Variants in MAPK8IP1 observed in about 807,000 individuals in gnomAD.
MAPK8IP1 encodes the protein mitogen-activated protein kinase 8 interacting protein 1, also known as C-Jun-amino-terminal kinase-interacting protein 1.
Under a neutral mutation model 72.6 loss-of-function variants are expected in MAPK8IP1, and 17 were observed. The ratio of observed to expected loss-of-function variants is 0.23; its 90% CI spans 0.16 to 0.35. The LOEUF is 0.35. Ranked by LOEUF, MAPK8IP1 falls within the 10% of genes least tolerant of loss-of-function variation. The probability of loss-of-function intolerance (pLI) is 1.00; values close to 1 mark genes in which losing one functional copy is unlikely to be tolerated. For missense variants in MAPK8IP1, 789 were observed against 1,009.7 expected, an observed-to-expected ratio of 0.78 and a Z score of 2.96; for synonymous variants, 401 against 443.4, an observed-to-expected ratio of 0.90 and a Z score of 1.20.
chr11:45,895,047 G>A (rs1590783842), intron 1 of MAPK8IP1, among the ~76,000 whole-genome samples: 1 of 152,192 alleles, frequency 6.6e-6, no homozygotes, highest in Non-Finnish European at 1.5e-5. Flanking sequence ...TTTGGCACTG[G>A]GGAGACACAG....
intron 1 of MAPK8IP1, among the ~76,000 whole-genome samples, chr11:45,895,635 T>A (rs7130763): frequency 0.085 from 2,245 of 26,366 alleles, 252 homozygotes; most frequent in African/African-American, 0.12. Flanking sequence ...AAAAAAAAAA[T>A]ATATATATAT....
intron 1 of MAPK8IP1, among the ~76,000 whole-genome samples, chr11:45,893,948 G>T (rs1222817049): frequency 1.3e-5 from 2 of 152,182 alleles, no homozygotes; most frequent in African/African-American, 4.8e-5. Flanking sequence ...TGGAAAAGAG[G>T]AAAGGGCAGA....
intron 1 of MAPK8IP1, among the ~76,000 whole-genome samples, chr11:45,895,619 CAAAA>C (rs1256044597): frequency 1.2e-3 from 38 of 31,232 alleles, no homozygotes; most frequent in African/African-American, 1.8e-3. Context: ...AAGGCCGTCT[CAAAA>C]AAAAAAAAAA....
intron 1 of MAPK8IP1, among the ~76,000 whole-genome samples, chr11:45,886,949 C>G (rs1211639412): frequency 6.6e-6 from 1 of 152,144 alleles, no homozygotes. Flanking sequence ...TGGGCAGAGA[C>G]CCCTGGGGAT....
At chr11:45,905,385 G>A (rs538658739) in intron 11 of MAPK8IP1, 136 bp downstream of exon 11, 10 of 902,930 alleles carry the variant, frequency 1.1e-5, no homozygotes, top group East Asian at 2.6e-5. Flanking sequence ...ACCCCAGTGC[G>A]GGTGGCCTGG....
chr11:45,901,960 G>A lies in MAPK8IP1; in HGVS notation c.523-20G>A. Reference sequence around the variant, plus strand: ...ACTGTTGACCACTTCCATCACAAGAGCCTTTTGTTCCCTGCACAGGACACA... The same window carrying A: ...ACTGTTGACCACTTCCATCACAAGAACCTTTTGTTCCCTGCACAGGACACA... On this transcript the variant is annotated intron_variant, in intron 3 of 11. Transcript: ENST00000241014. 1 of 1,601,866 alleles carries A rather than the reference G, an allele frequency of 6.2e-7. No homozygotes were observed. Among genetic ancestry groups the A allele is most frequent in the Non-Finnish European group, 8.6e-7 (1 of 1,168,894 alleles).
At chr11:45,896,024 C>A (rs565909456) in intron 1 of MAPK8IP1, among the ~76,000 whole-genome samples, 31 of 152,276 alleles carry the variant, frequency 2.0e-4, no homozygotes, top group Admixed American at 5.9e-4. Flanking sequence ...GTCCATCCAG[C>A]CCCCATTCCC....
chr11:45,903,953 G>C lies in MAPK8IP1; in HGVS notation c.1494-36G>C. 1 of 1,608,144 alleles carries C rather than the reference G, an allele frequency of 6.2e-7. No homozygotes were observed. Among genetic ancestry groups the C allele is most frequent in the African/African-American group, 1.3e-5 (1 of 74,922 alleles). On this transcript the variant is annotated intron_variant, in intron 6 of 11. Coordinates refer to ENST00000241014, the MANE Select transcript of MAPK8IP1 (RefSeq NM_005456.4). This position sits in a 1 kb window ranked among gnomAD's most constrained non-coding sequence, Gnocchi z 6.4. ...GAGTAGGCCTGGCTGGACAGGCCTT[G>C]GTGCCGAATTTCTCACCTGTCCTTG...
chr11:45,896,606 C>T, intron 1 of MAPK8IP1: 1 of 1,341,528 alleles, frequency 7.5e-7, no homozygotes, highest in Admixed American at 3.1e-5. Flanking sequence ...AGCGCAAGGG[C>T]CAGGCCAGCC....
chr11:45,905,726 G>A lies in MAPK8IP1; in HGVS notation c.*5G>A, dbSNP rs1368084776. The A allele has an allele frequency of 1.2e-6, 2 of 1,613,046 alleles. No homozygotes were observed. The highest frequency in any genetic ancestry group is 3.3e-5 in the Admixed American group (2 of 60,022). Reference sequence around the variant, plus strand: ...GAAGATATCTACCTGGAGTAGCTGTGCAGCCCCGCCCTCTGCGTCCCCCAG... The same window carrying A: ...GAAGATATCTACCTGGAGTAGCTGTACAGCCCCGCCCTCTGCGTCCCCCAG... On this transcript the variant is annotated 3_prime_UTR_variant, in exon 12 of 12. Transcript: ENST00000241014.
intron 1 of MAPK8IP1, among the ~76,000 whole-genome samples, chr11:45,894,495 G>A (rs2086589055): frequency 6.6e-6 from 1 of 152,226 alleles, no homozygotes; most frequent in African/African-American, 2.4e-5. Context: ...AGCTGTACAG[G>A]AAGAATGCTG....
intron 1 of MAPK8IP1, among the ~76,000 whole-genome samples, chr11:45,890,241 G>A (rs1590781886): frequency 6.6e-6 from 1 of 152,216 alleles, no homozygotes; most frequent in East Asian, 1.9e-4. Context: ...AACAGCCAGA[G>A]GAGCTGGCAG....
intron 1 of MAPK8IP1, among the ~76,000 whole-genome samples, chr11:45,892,220 T>A (rs116734731): frequency 0.025 from 3,847 of 152,144 alleles, 149 homozygotes; most frequent in South Asian, 0.092. Flanking sequence ...ATGCTGGGTC[T>A]GGCTCATCCC....
Position 45,900,375 on chromosome 11 carries a change from G to A in MAPK8IP1, c.445G>A (p.Gly149Ser), listed in dbSNP as rs1436384247. 1 of 1,524,408 alleles carries A rather than the reference G, an allele frequency of 6.6e-7. No homozygotes were observed. The highest frequency in any genetic ancestry group is 8.8e-7 in the Non-Finnish European group (1 of 1,142,638). The allele number at this position is 1,524,408 out of a possible 1,614,324, so 94.4% of individuals were successfully genotyped here. The change falls in exon 3 of 12, where the codon GGC becomes AGC. Residue 149 changes from glycine to serine, a missense_variant. Coordinates refer to ENST00000241014, the MANE Select transcript of MAPK8IP1 (RefSeq NM_005456.4). This position sits in a 1 kb window ranked among gnomAD's most constrained non-coding sequence, Gnocchi z 6.5. ...GGGCCAGAGCCAAGGCCAGAGCCAG[G>A]GCCCGGGCAGCGGGGACACGTACCG... Reference protein sequence around the residue: ...GQGQSQGQSQGPGSGDTYRPK... With the variant: ...GQGQSQGQSQSPGSGDTYRPK...
At chr11:45,905,325 C>A in intron 11 of MAPK8IP1, 76 bp downstream of exon 11, 1 of 1,343,152 alleles carries the variant, frequency 7.4e-7, no homozygotes, top group Non-Finnish European at 1.1e-6. Flanking sequence ...CTTCCTGGCG[C>A]TCAGCTTTGC....
At position 45,904,179 on chromosome 11, in the gene MAPK8IP1, G is replaced by A; in HGVS notation, c.1666+18G>A. ...CATGGCAGGTAGTGTTCCCTCCCTG[G>A]CCTGTGCCCCCAGCCACCACATCTG... is the stretch of plus-strand genomic sequence containing the variant. On this transcript the variant is annotated intron_variant, in intron 7 of 11. Transcript: ENST00000241014. The surrounding 1 kb of genome is among the most constrained non-coding windows in gnomAD (Gnocchi z 6.4). 1 of 1,610,934 alleles carries A rather than the reference G, an allele frequency of 6.2e-7. No homozygotes were observed. Among genetic ancestry groups the A allele is most frequent in the East Asian group, 2.2e-5 (1 of 44,780 alleles).
In MAPK8IP1 at chr11:45,902,239, C is replaced by A. The variant is rs375201536; in HGVS notation, c.605-133C>A. The A allele has an allele frequency of 1.0e-6, 1 of 988,218 alleles. No homozygotes were observed. The highest frequency in any genetic ancestry group is 1.6e-6 in the Non-Finnish European group (1 of 629,778). The allele number at this position is 988,218 out of a possible 1,614,324, so 61.2% of individuals were successfully genotyped here. On this transcript the variant is annotated intron_variant, in intron 4 of 11. Coordinates refer to ENST00000241014, the MANE Select transcript of MAPK8IP1 (RefSeq NM_005456.4). This position sits in a 1 kb window ranked among gnomAD's most constrained non-coding sequence, Gnocchi z 9.3. ...GGTGGCATGAGTGAGTTGACTGGCCCCAGAGCCTGCGAAGGGCCTGTTGCC... is the reference window on the plus strand; with the variant it reads ...GGTGGCATGAGTGAGTTGACTGGCCACAGAGCCTGCGAAGGGCCTGTTGCC...
Position 45,902,492 on chromosome 11 carries a change from C to T in MAPK8IP1, c.725C>T (p.Ala242Val). 6.2e-7 allele frequency: 1 copy of T among 1,607,486 alleles called. No homozygotes were observed. Among genetic ancestry groups the T allele is most frequent in the Non-Finnish European group, 8.5e-7 (1 of 1,177,644 alleles). Residue 242 changes from alanine (A) to valine (V), a missense_variant, in exon 5 of 12, where the codon GCC (alanine) becomes GTC (valine). Around this residue, in one of 4 missense-constraint regions of MAPK8IP1, gnomAD observed 377 missense variants for 411.7 expected, o/e 0.92. Transcript: ENST00000241014. The surrounding 1 kb of genome is among the most constrained non-coding windows in gnomAD (Gnocchi z 9.3). ...STDSPCRRST[A>V]TQMAPPGGPP... ...GACAGCCCTTGCCGCCGCAGCACAG[C>T]CACCCAGATGGCACCTCCGGGTGGT...
chr11:45,890,542 G>A (rs577880258), intron 1 of MAPK8IP1, among the ~76,000 whole-genome samples: 22 of 152,248 alleles, frequency 1.4e-4, no homozygotes, highest in East Asian at 5.8e-4. Context: ...GGTAGAGAGC[G>A]GCCAGGGGAC....
Sources: allele counts gnomAD v4.1 joint callset (sites outside exome capture counted in the v4.1 genomes callset), GRCh38; gene constraint gnomAD v4.1.1; regional missense constraint gnomAD v4.1.1; non-coding constraint Gnocchi (gnomAD v3.1); transcripts MANE v1.5; gene names NCBI Gene and HGNC (gene_info 2026-07-23, HGNC 2026-07-21).